Variants in SCNN1G observed in about 807,000 individuals in gnomAD.
SCNN1G encodes the protein epithelial sodium channel subunit gamma.
A neutral mutation model predicts 64.6 loss-of-function variants in SCNN1G; 27 were observed. The observed-to-expected ratio is 0.42, with a 90% confidence interval of 0.31 to 0.58. SCNN1G has a LOEUF of 0.58. Among genes scored for constraint, SCNN1G ranks in the 20% least tolerant of loss-of-function variants. The pLI, the probability that SCNN1G is intolerant of heterozygous loss-of-function variation, is 0.18. For synonymous variants in SCNN1G, 330 were observed against 314.2 expected (o/e 1.05, Z -0.53); for missense variants, 743 against 823.4 (o/e 0.90, Z 1.19).
At chr16:23,186,914 C>T (rs751484764) in intron 2 of SCNN1G, among the ~76,000 whole-genome samples, 5 of 151,992 alleles carry the variant, frequency 3.3e-5, no homozygotes, top group Non-Finnish European at 5.9e-5. Context: ...CAGGTTCTAA[C>T]AATCCTCCCG....
chr16:23,197,551 T>G, intron 6 of SCNN1G, 124 bp downstream of exon 6: 1 of 856,856 alleles, frequency 1.2e-6, no homozygotes. Context: ...GGTCCCAGAT[T>G]TTCCCATGGT....
chr16:23,187,982 T>C (rs1349174259), intron 2 of SCNN1G, among the ~76,000 whole-genome samples: 2 of 152,172 alleles, frequency 1.3e-5, no homozygotes, highest in Non-Finnish European at 2.9e-5. Context: ...CTCTCCGCCC[T>C]CCATGTCTTC....
intron 6 of SCNN1G, among the ~76,000 whole-genome samples, chr16:23,203,636 G>A (rs1273305589): frequency 6.6e-6 from 1 of 151,752 alleles, no homozygotes; most frequent in Non-Finnish European, 1.5e-5. Flanking sequence ...CGGGTGTGGT[G>A]GCAGGCGCCT....
intron 11 of SCNN1G, among the ~76,000 whole-genome samples, chr16:23,213,664 C>T (rs1960117415): frequency 6.6e-6 from 1 of 152,192 alleles, no homozygotes; most frequent in Admixed American, 6.5e-5. Context: ...ATCACTATCT[C>T]CCTCATGCGC....
At chr16:23,183,263 C>A (rs778877378) in intron 1 of SCNN1G, among the ~76,000 whole-genome samples, 1 of 152,216 alleles carries the variant, frequency 6.6e-6, no homozygotes, top group Admixed American at 6.5e-5. Context: ...AGCCGGCGCT[C>A]CCCCGGGGCA....
intron 6 of SCNN1G, among the ~76,000 whole-genome samples, chr16:23,207,633 T>C (rs370785523): frequency 4.6e-4 from 70 of 152,350 alleles, no homozygotes; most frequent in Admixed American, 2.1e-3. Context: ...CTGTCTGAGA[T>C]GCAAGATCTG....
chr16:23,184,227 T>C lies in SCNN1G; in HGVS notation c.-45+1414T>C, dbSNP rs569257046. On this transcript the variant is annotated intron_variant, in intron 1 of 12. Coordinates refer to ENST00000300061, the MANE Select transcript of SCNN1G (RefSeq NM_001039.4). ...TCCTCTGACATTGTCGACTGATCCA[T>C]TGGGGTCAAGGTCGGTTCTGGGGAA... 1.1e-3 allele frequency among the ~76,000 whole-genome samples: 175 copies of C among 152,276 alleles called. 2 individuals are homozygous for C. The highest frequency in any genetic ancestry group is 1.5e-3 in the Non-Finnish European group (102 of 68,024).
intron 6 of SCNN1G, among the ~76,000 whole-genome samples, chr16:23,204,334 T>TAGAGAGAGAGAGAGAGAGAGAG (rs755322105): frequency 6.6e-5 from 1 of 15,172 alleles, no homozygotes; most frequent in Non-Finnish European, 1.1e-4. Context: ...TATATATATA[T>TAGAGAGAGAGAGAGAGAGAGAG]AGAGAGAGAG....
In SCNN1G at chr16:23,204,288, CATATATATATATATATATAT is replaced by C. The variant is rs59288460; in HGVS notation, c.1078-5434_1078-5415del. On this transcript the variant is annotated intron_variant, in intron 6 of 12. Coordinates refer to ENST00000300061, the MANE Select transcript of SCNN1G (RefSeq NM_001039.4). The stretch of plus-strand genomic sequence containing the variant: ...AGTGATACTCCATCACAAATATATA[CATATATATATATATATATAT>C]ATATATATATATATATATATATATA... Among the ~76,000 whole-genome samples, 58 of 14,168 alleles carry C rather than the reference CATATATATATATATATATAT, an allele frequency of 4.1e-3. 1 individual carries two copies. Among genetic ancestry groups the C allele is most frequent in the East Asian group, 0.019 (12 of 616 alleles). The allele number at this position is 14,168 out of a possible 152,430, so 9.3% of individuals were successfully genotyped here.
intron 6 of SCNN1G, among the ~76,000 whole-genome samples, chr16:23,205,550 A>T (rs1383304030): frequency 2.0e-5 from 3 of 152,006 alleles, no homozygotes; most frequent in African/African-American, 7.2e-5. Context: ...ATACAAAGAA[A>T]TTAGCCAGGC....
rs918415882 is a variant in SCNN1G at position 23,216,561 on chromosome 16, T to C, written c.*1092T>C. The C allele has an allele frequency of 6.6e-6, 1 of 152,230 alleles. No homozygotes were observed. Among genetic ancestry groups the C allele is most frequent in the East Asian group, 1.9e-4 (1 of 5,196 alleles). The allele number at this position is 152,230 out of a possible 1,614,324, so 9.4% of individuals were successfully genotyped here. ...TTTTAAGCACCTAGATAGGTTAGCA[T>C]AGGGGACTGCAAATGGTGTTCCGCA... On this transcript the variant is annotated 3_prime_UTR_variant, in exon 13 of 13. Coordinates refer to ENST00000300061, the MANE Select transcript of SCNN1G (RefSeq NM_001039.4).
chr16:23,207,159 T>C (rs1175219066), intron 6 of SCNN1G, among the ~76,000 whole-genome samples: 1 of 152,238 alleles, frequency 6.6e-6, no homozygotes, highest in African/African-American at 2.4e-5. Flanking sequence ...TGGTTTCTCA[T>C]AATCAGTTTC....
intron 2 of SCNN1G, among the ~76,000 whole-genome samples, chr16:23,188,722 G>A (rs13332042): frequency 0.02 from 3,047 of 152,228 alleles, 63 homozygotes; most frequent in African/African-American, 0.051. Context: ...CTAAACCCAG[G>A]GGTTTCTATT....
At chr16:23,201,549 A>T (rs1959890115) in intron 6 of SCNN1G, among the ~76,000 whole-genome samples, 1 of 151,814 alleles carries the variant, frequency 6.6e-6, no homozygotes, top group Non-Finnish European at 1.5e-5. Context: ...AACAGGGTTT[A>T]TGAAGAGGTC....
chr16:23,192,896 C>T (rs1959732176), intron 4 of SCNN1G, among the ~76,000 whole-genome samples: 2 of 151,458 alleles, frequency 1.3e-5, no homozygotes, highest in Admixed American at 6.6e-5. Flanking sequence ...TAGCGAGACC[C>T]CGTCTCTACT....
chr16:23,192,047 G>A (rs1014220847), intron 3 of SCNN1G, among the ~76,000 whole-genome samples: 3 of 151,212 alleles, frequency 2.0e-5, no homozygotes, highest in South Asian at 4.2e-4. Flanking sequence ...AGCATCAATC[G>A]GATGAAACCT....
intron 10 of SCNN1G, 44 bp downstream of exon 10, chr16:23,212,938 G>A (rs1567269378): frequency 6.3e-7 from 1 of 1,589,636 alleles, no homozygotes. Flanking sequence ...CCCCCAGCCT[G>A]GAGCCCCACT....
At chr16:23,198,978 C>G (rs1959841989) in intron 6 of SCNN1G, among the ~76,000 whole-genome samples, 1 of 151,976 alleles carries the variant, frequency 6.6e-6, no homozygotes, top group African/African-American at 2.4e-5. Context: ...TGCTTGAGCC[C>G]AGGAGTTCAA....
chr16:23,211,965 G>T (rs1185341748), intron 7 of SCNN1G, 69 bp from the exon 8 acceptor site: 9 of 1,116,712 alleles, frequency 8.1e-6, no homozygotes, highest in East Asian at 4.7e-5. Flanking sequence ...TGGGCTGAGG[G>T]ATGTGCAGGA....
Sources: gnomAD v4.1 joint callset for allele counts (sites outside exome capture counted in the v4.1 genomes callset) on GRCh38, gnomAD v4.1.1 for gene constraint, MANE v1.5 for transcripts, NCBI Gene and HGNC (gene_info 2026-07-23, HGNC 2026-07-21) for gene names.